Variants in GRIN2A observed in about 807,000 individuals in gnomAD.
The protein encoded by GRIN2A is glutamate ionotropic receptor NMDA type subunit 2A.
Under a neutral mutation model 113.4 loss-of-function variants are expected in GRIN2A, and 22 were observed. That is an observed-to-expected ratio of 0.19 (90% CI 0.14 to 0.28). The LOEUF is 0.28. Ranked by LOEUF, GRIN2A falls within the 10% of genes least tolerant of loss-of-function variation. GRIN2A has a pLI of 1.00. For missense variants in GRIN2A, 1,502 were observed against 1,887.0 expected (o/e 0.80, Z 3.78); for synonymous variants, 827 against 738.4 (o/e 1.12, Z -1.94).
At chr16:10,107,876 C>T (rs114996524) in intron 2 of GRIN2A, among the ~76,000 whole-genome samples, 1 of 152,182 alleles carries the variant, frequency 6.6e-6, no homozygotes, top group South Asian at 2.1e-4. Context: ...AGTGGGGGTA[C>T]AGAGGTGCAC....
At chr16:9,889,596 A>C (rs2141478096) in intron 4 of GRIN2A, among the ~76,000 whole-genome samples, 1 of 152,260 alleles carries the variant, frequency 6.6e-6, no homozygotes, top group Non-Finnish European at 1.5e-5. Flanking sequence ...TAAGCAGTTA[A>C]AGCTATGAAT....
intron 4 of GRIN2A, among the ~76,000 whole-genome samples, chr16:9,890,391 A>G: frequency 6.6e-6 from 1 of 152,228 alleles, no homozygotes. Flanking sequence ...GACCCAGGTC[A>G]TGACATGTAT....
rs1177789326 is a variant in GRIN2A, at chr16:9,764,773, A to G, written c.2771T>C (p.Phe924Ser). 6.2e-7 allele frequency: 1 copy of G among 1,614,228 alleles called. No individual in the cohort carries two copies. Residue 924 changes from phenylalanine (F) to serine (S), a missense_variant, in exon 13 of 13, where the codon TTC (phenylalanine) becomes TCC (serine). Phe to Ser is a radical substitution (Grantham distance 155, BLOSUM62 -2). Transcript: ENST00000330684. The part of the protein sequence containing the change: ...RMDSPKRAAD[F>S]IQRGSLIMDM... The stretch of plus-strand genomic sequence containing the variant: ...CATGATGAGGGAACCTCTTTGGATG[A>G]AGTCAGCAGCTCTTTTGGGTGAGTC...
intron 2 of GRIN2A, among the ~76,000 whole-genome samples, chr16:9,994,253 T>G (rs2046180570): frequency 6.6e-6 from 1 of 152,180 alleles, no homozygotes; most frequent in South Asian, 2.1e-4. Context: ...GCAAAGCCCA[T>G]TTGTCAGTTC....
chr16:9,891,111 G>A lies in GRIN2A; in HGVS notation c.1008-11C>T, dbSNP rs769065967. ...ACATTGACCATAAATCTAGAAAGGG[G>A]AAGAGAGAAAGACAAATTTTTAGGA... On this transcript the variant is annotated splice_polypyrimidine_tract_variant and intron_variant, in intron 3 of 12. Transcript: ENST00000330684. The A allele has an allele frequency of 6.4e-7, 1 of 1,552,638 alleles. No individual in the cohort carries two copies. Among genetic ancestry groups the A allele is most frequent in the East Asian group, 2.2e-5 (1 of 44,606 alleles).
chr16:9,856,676 G>A (rs1024349858), intron 4 of GRIN2A, among the ~76,000 whole-genome samples: 12 of 150,400 alleles, frequency 8.0e-5, no homozygotes, highest in African/African-American at 2.4e-4. Flanking sequence ...AAGTCTTTCC[G>A]TTTCTACTAT....
rs1357081199 is a variant in GRIN2A at position 10,180,436 on chromosome 16, G to A, written c.-18-7C>T. 3 of 1,599,342 alleles carry A rather than the reference G, an allele frequency of 1.9e-6. No individual in the cohort carries two copies. The Admixed American group carries it at 5.0e-5, about 27-fold the overall frequency. ...TAGTCGCCACTGACGGTCCCTGCAA[G>A]GTGAAGAGTGAGAGGCAGGGCCGCG... On this transcript the variant is annotated splice_polypyrimidine_tract_variant and splice_region_variant and intron_variant, in intron 1 of 12. Coordinates refer to ENST00000330684, the MANE Select transcript of GRIN2A (RefSeq NM_001134407.3). The surrounding 1 kb of genome is among the most constrained non-coding windows in gnomAD (Gnocchi z 7.0).
intron 2 of GRIN2A, among the ~76,000 whole-genome samples, chr16:10,003,243 T>C (rs182207525): frequency 1.7e-4 from 26 of 152,164 alleles, no homozygotes; most frequent in African/African-American, 5.8e-4. Flanking sequence ...TCCTGGATTC[T>C]GATTCCAATG....
At chr16:10,128,558 C>T (rs1007115495) in intron 2 of GRIN2A, among the ~76,000 whole-genome samples, 8 of 152,292 alleles carry the variant, frequency 5.3e-5, no homozygotes, top group Middle Eastern at 3.4e-3. Flanking sequence ...GGGCTCCTGC[C>T]ACCCCACTCT....
chr16:10,085,331 C>A (rs1397943149), intron 2 of GRIN2A, among the ~76,000 whole-genome samples: 1 of 152,094 alleles, frequency 6.6e-6, no homozygotes, highest in East Asian at 1.9e-4. Flanking sequence ...TATACATACT[C>A]AAGTTATAGG....
chr16:10,115,514 G>GC (rs536010038), intron 2 of GRIN2A, among the ~76,000 whole-genome samples: 5 of 152,182 alleles, frequency 3.3e-5, no homozygotes, highest in Admixed American at 1.3e-4. Context: ...TGGGGCCTGC[G>GC]CCCCCCCATA....
At chr16:10,131,317 G>GT (rs2049056915) in intron 2 of GRIN2A, among the ~76,000 whole-genome samples, 1 of 152,142 alleles carries the variant, frequency 6.6e-6, no homozygotes, top group Non-Finnish European at 1.5e-5. Context: ...ATGCCTGCAG[G>GT]TCCCCCATGT....
intron 2 of GRIN2A, among the ~76,000 whole-genome samples, chr16:10,005,071 A>G (rs2046382802): frequency 6.6e-6 from 1 of 152,230 alleles, no homozygotes; most frequent in South Asian, 2.1e-4. Context: ...TGAATTTACA[A>G]AGTTTTGAGG....
chr16:9,938,960 T>C (rs929231367), intron 2 of GRIN2A, among the ~76,000 whole-genome samples: 1 of 152,172 alleles, frequency 6.6e-6, no homozygotes, highest in Non-Finnish European at 1.5e-5. Flanking sequence ...ACGATATATT[T>C]GGAGCCCCTA....
intron 2 of GRIN2A, 199 bp downstream of exon 2, chr16:10,179,799 C>T (rs1282729042): frequency 3.2e-6 from 2 of 621,224 alleles, no homozygotes; most frequent in Non-Finnish European, 5.8e-6. Context: ...TTTTCAGAAA[C>T]AAGGCAAAAG....
intron 4 of GRIN2A, among the ~76,000 whole-genome samples, chr16:9,857,138 G>A (rs1487995942): frequency 6.6e-6 from 1 of 151,976 alleles, no homozygotes; most frequent in Non-Finnish European, 1.5e-5. Context: ...ATTGTCAAAG[G>A]TCATTAAAAA....
Position 9,757,640 on chromosome 16 carries a change from T to A in GRIN2A, c.*5509A>T. 4.5e-6 allele frequency: 1 copy of A among 222,152 alleles called. No individual in the cohort carries two copies. The highest frequency in any genetic ancestry group is 6.6e-5 in the East Asian group (1 of 15,238). The allele number at this position is 222,152 out of a possible 1,614,324, so 13.8% of individuals were successfully genotyped here. On this transcript the variant is annotated 3_prime_UTR_variant, in exon 13 of 13. Coordinates refer to ENST00000330684, the MANE Select transcript of GRIN2A (RefSeq NM_001134407.3). Reference sequence around the variant, plus strand: ...GTGAAGTCCTATTAGCTGGTCAATGTGCTTGGTTCTTCCTCAATGCATGAT... The same window carrying A: ...GTGAAGTCCTATTAGCTGGTCAATGAGCTTGGTTCTTCCTCAATGCATGAT...
At chr16:9,961,334 G>A (rs1315505481) in intron 2 of GRIN2A, among the ~76,000 whole-genome samples, 1 of 152,074 alleles carries the variant, frequency 6.6e-6, no homozygotes, top group African/African-American at 2.4e-5. Flanking sequence ...GGGGTGCAGG[G>A]GTGGGGGATC....
At position 9,968,323 on chromosome 16, in the gene GRIN2A, T is replaced by C. The variant is rs918829037; in HGVS notation, c.415-29772A>G. ...ATGTATGTATACATGTACGTATGTA[T>C]GTATTTAGAGATGGAGTTTCGCTCT... is the stretch of plus-strand genomic sequence containing the variant. On this transcript the variant is annotated intron_variant, in intron 2 of 12. Coordinates refer to ENST00000330684, the MANE Select transcript of GRIN2A (RefSeq NM_001134407.3). Among the ~76,000 whole-genome samples, 4 of 152,092 alleles carry C rather than the reference T, an allele frequency of 2.6e-5. No homozygotes were observed. In the East Asian group the frequency reaches 5.8e-4, roughly 22 times the overall value.
Sources: gnomAD v4.1 joint callset for allele counts (sites outside exome capture counted in the v4.1 genomes callset) on GRCh38, gnomAD v4.1.1 for gene constraint, Gnocchi (gnomAD v3.1) non-coding constraint, MANE v1.5 for transcripts, NCBI Gene and HGNC (gene_info 2026-07-23, HGNC 2026-07-21) for gene names.